KCNIP3: variants seen among roughly 807,000 people sequenced by gnomAD.
The protein encoded by KCNIP3 is potassium voltage-gated channel interacting protein 3, also known as calsenilin.
KCNIP3 carries 28 observed loss-of-function variants against 35.0 expected under a neutral mutation model. The observed-to-expected ratio is 0.80, with a 90% confidence interval of 0.59 to 1.10. The LOEUF is 1.10. Among genes scored for constraint, KCNIP3 ranks in the 50% least tolerant of loss-of-function variants. The pLI, the probability that KCNIP3 is intolerant of heterozygous loss-of-function variation, is 0.00. For synonymous variants in KCNIP3, 134 were observed against 133.8 expected, an observed-to-expected ratio of 1.00 and a Z score of -0.01; for missense variants, 295 against 338.4, an observed-to-expected ratio of 0.87 and a Z score of 1.01.
chr2:95,302,472 G>A (rs1452740513), intron 1 of KCNIP3, among the ~76,000 whole-genome samples: 3 of 152,226 alleles, frequency 2.0e-5, no homozygotes, highest in African/African-American at 7.2e-5. Context: ...CTCCCCACGT[G>A]ATTCTGGCAT....
At chr2:95,366,366 G>C (rs1198859643) in intron 2 of KCNIP3, among the ~76,000 whole-genome samples, 3 of 152,148 alleles carry the variant, frequency 2.0e-5, no homozygotes. Flanking sequence ...TTTTGCGTGT[G>C]TCAGGAGTTT....
At chr2:95,337,808 A>G (rs1010917141) in intron 2 of KCNIP3, among the ~76,000 whole-genome samples, 2 of 152,076 alleles carry the variant, frequency 1.3e-5, no homozygotes, top group African/African-American at 2.4e-5. Flanking sequence ...CTTTCACCCA[A>G]GCTCTCTGCT....
At chr2:95,337,289 G>A (rs1186685313) in intron 2 of KCNIP3, among the ~76,000 whole-genome samples, 4 of 152,002 alleles carry the variant, frequency 2.6e-5, no homozygotes, top group Admixed American at 2.6e-4. Flanking sequence ...ATTTGTTGCT[G>A]TCCAGTGCCC....
At chr2:95,368,680 C>A in intron 2 of KCNIP3, 1 of 287,386 alleles carries the variant, frequency 3.5e-6, no homozygotes, top group South Asian at 6.7e-5. Flanking sequence ...CAGTGTCTGT[C>A]ATCAGCAGTG....
chr2:95,310,218 A>T, intron 1 of KCNIP3, 137 bp from the exon 2 acceptor site: 2 of 987,242 alleles, frequency 2.0e-6, no homozygotes, highest in Non-Finnish European at 3.2e-6. Context: ...AAGGGGCACT[A>T]GGCATGCAGC....
intron 1 of KCNIP3, among the ~76,000 whole-genome samples, chr2:95,301,814 C>T (rs1439512739): frequency 6.6e-6 from 1 of 152,156 alleles, no homozygotes; most frequent in Non-Finnish European, 1.5e-5. Flanking sequence ...CAGCCCAGCT[C>T]TCCTGCTCCA....
intron 2 of KCNIP3, among the ~76,000 whole-genome samples, chr2:95,363,684 T>C (rs1679854356): frequency 6.6e-6 from 1 of 152,248 alleles, no homozygotes; most frequent in Non-Finnish European, 1.5e-5. Context: ...TGGGGAGAAA[T>C]GACATTAATA....
At chr2:95,374,190 G>A in intron 2 of KCNIP3, 106 bp from the exon 3 acceptor site, 2 of 1,403,508 alleles carry the variant, frequency 1.4e-6, no homozygotes, top group South Asian at 1.3e-5. Context: ...GTCATGCAAA[G>A]AGAGTTCCTC....
intron 1 of KCNIP3, among the ~76,000 whole-genome samples, chr2:95,298,085 G>T (rs1677921535): frequency 6.6e-6 from 1 of 152,224 alleles, no homozygotes; most frequent in African/African-American, 2.4e-5. Flanking sequence ...CAGAGTTTGA[G>T]AAACAGTGGT....
intron 2 of KCNIP3, among the ~76,000 whole-genome samples, chr2:95,373,713 C>G (rs1001177448): frequency 6.6e-6 from 1 of 152,186 alleles, no homozygotes; most frequent in African/African-American, 2.4e-5. Context: ...TCACCGCACC[C>G]TGCCAAGTTT....
At chr2:95,314,320 A>G (rs2104215812) in intron 2 of KCNIP3, among the ~76,000 whole-genome samples, 1 of 152,356 alleles carries the variant, frequency 6.6e-6, no homozygotes, top group Admixed American at 6.5e-5. Context: ...GATCAGTGCA[A>G]ATTTTCAAGG....
At chr2:95,369,901 G>A (rs868724988) in intron 2 of KCNIP3, among the ~76,000 whole-genome samples, 2 of 152,158 alleles carry the variant, frequency 1.3e-5, no homozygotes, top group African/African-American at 2.4e-5. Flanking sequence ...GATTACAGGC[G>A]TGAACCACTG....
chr2:95,363,714 G>C (rs1679854716), intron 2 of KCNIP3, among the ~76,000 whole-genome samples: 1 of 152,204 alleles, frequency 6.6e-6, no homozygotes, highest in African/African-American at 2.4e-5. Flanking sequence ...AAGATGGAAT[G>C]TCTCATGTAT....
At chr2:95,330,988 G>A (rs1275112801) in intron 2 of KCNIP3, among the ~76,000 whole-genome samples, 1 of 152,226 alleles carries the variant, frequency 6.6e-6, no homozygotes, top group Non-Finnish European at 1.5e-5. Flanking sequence ...CAGGGCACAT[G>A]GCGTTCAAAT....
intron 6 of KCNIP3, 29 bp downstream of exon 6, chr2:95,381,732 C>G (rs560318500): frequency 7.2e-7 from 1 of 1,397,290 alleles, no homozygotes; most frequent in East Asian, 2.3e-5. Context: ...CAGGGATTGT[C>G]CCCTCCTCCC....
chr2:95,315,842 A>G (rs1678447285), intron 2 of KCNIP3, among the ~76,000 whole-genome samples: 1 of 152,178 alleles, frequency 6.6e-6, no homozygotes, highest in African/African-American at 2.4e-5. Flanking sequence ...CCGCAGGTAC[A>G]GCCTCCCTGC....
intron 2 of KCNIP3, among the ~76,000 whole-genome samples, chr2:95,344,003 C>T (rs1431786454): frequency 6.6e-6 from 1 of 150,530 alleles, no homozygotes; most frequent in East Asian, 2.0e-4. Context: ...CAGGGCCCAG[C>T]CTTCTCCAAT....
intron 1 of KCNIP3, among the ~76,000 whole-genome samples, chr2:95,307,704 C>G (rs1311921317): frequency 6.6e-6 from 1 of 152,190 alleles, no homozygotes; most frequent in Non-Finnish European, 1.5e-5. Context: ...TAACCCTGGG[C>G]CCCGAGAAGC....
chr2:95,380,314 G>A (rs928300657), intron 5 of KCNIP3, among the ~76,000 whole-genome samples: 1 of 152,086 alleles, frequency 6.6e-6, no homozygotes, highest in Non-Finnish European at 1.5e-5. Context: ...TTTTTCTCCT[G>A]GGATAATTTT....
Sources: allele counts gnomAD v4.1 joint callset (sites outside exome capture counted in the v4.1 genomes callset), GRCh38; gene constraint gnomAD v4.1.1; transcripts MANE v1.5; gene names NCBI Gene and HGNC (gene_info 2026-07-23, HGNC 2026-07-21).